Variants in ADGRG4 observed in about 807,000 individuals in gnomAD.
ADGRG4 encodes the protein G protein-coupled receptor 112.
ADGRG4 carries 122 observed loss-of-function variants against 126.2 expected under a neutral mutation model. The ratio of observed to expected loss-of-function variants is 0.97; its 90% CI spans 0.83 to 1.12. The LOEUF is 1.12. ADGRG4 is among the 50% of genes most tolerant of loss of function. The pLI is 0.00. For synonymous variants in ADGRG4, 943 were observed against 838.7 expected, an observed-to-expected ratio of 1.12 and a Z score of -2.15; for missense variants, 2,481 against 2,251.8, an observed-to-expected ratio of 1.10 and a Z score of -2.06.
intron 1 of ADGRG4, among the ~76,000 whole-genome samples, chrX:136,303,481 C>CAGAA (rs373079596): frequency 6.1e-4 from 65 of 107,334 alleles, no homozygotes; most frequent in African/African-American, 2.0e-3. Flanking sequence ...GACAGACAGA[C>CAGAA]AGAAAGAAAG....
chrX:136,406,800 AG>A (rs1364406590), intron 23 of ADGRG4, among the ~76,000 whole-genome samples: 1 of 110,333 alleles, frequency 9.1e-6, no homozygotes, highest in Non-Finnish European at 1.9e-5. Context: ...CTGTAGTCCC[AG>A]CTACTTGGGA....
chrX:136,302,701 C>T (rs772106033), intron 1 of ADGRG4, among the ~76,000 whole-genome samples: 13 of 111,507 alleles, frequency 1.2e-4, no homozygotes, highest in Admixed American at 1.9e-4. Context: ...CAAATGATTG[C>T]GGACTATATG....
At chrX:136,393,696 G>C (rs188848547) in intron 18 of ADGRG4, 116 bp downstream of exon 18, 1 of 493,199 alleles carries the variant, frequency 2.0e-6, no homozygotes, top group East Asian at 3.6e-5. Flanking sequence ...AGAGCATTCT[G>C]AATGACCAAG....
At chrX:136,377,510 G>A (rs1292402748) in intron 15 of ADGRG4, among the ~76,000 whole-genome samples, 4 of 111,524 alleles carry the variant, frequency 3.6e-5, no homozygotes, top group Non-Finnish European at 7.5e-5. Flanking sequence ...TTAAATTTTC[G>A]TGAAGTCTAA....
chrX:136,318,021 C>G (rs1212330767), intron 4 of ADGRG4, among the ~76,000 whole-genome samples: 3 of 112,080 alleles, frequency 2.7e-5, no homozygotes, highest in Non-Finnish European at 5.6e-5. Flanking sequence ...TACTATATGG[C>G]CTAGCAATTC....
chrX:136,354,557 G>T (rs2075082020), intron 8 of ADGRG4, among the ~76,000 whole-genome samples: 1 of 111,408 alleles, frequency 9.0e-6, no homozygotes, highest in South Asian at 3.8e-4. Context: ...GCTGACACCA[G>T]CTGGTTGTTC....
chrX:136,375,929 T>A (rs2075223018), intron 15 of ADGRG4, among the ~76,000 whole-genome samples: 1 of 112,378 alleles, frequency 8.9e-6, no homozygotes, highest in Non-Finnish European at 1.9e-5. Context: ...TGCATTTGCT[T>A]TTGGGGTCTT....
chrX:136,309,366 G>A (rs1384911987), intron 4 of ADGRG4, among the ~76,000 whole-genome samples: 1 of 112,131 alleles, frequency 8.9e-6, no homozygotes, highest in Non-Finnish European at 1.9e-5. Flanking sequence ...CTCTATGACA[G>A]GAATGAAAAT....
At chrX:136,366,293 G>A in intron 13 of ADGRG4, among the ~76,000 whole-genome samples, 1 of 112,175 alleles carries the variant, frequency 8.9e-6, no homozygotes, top group East Asian at 2.8e-4. Context: ...ACAATATGCA[G>A]CCTTCTCAGA....
chrX:136,355,338 C>T (rs2075087084), intron 8 of ADGRG4, among the ~76,000 whole-genome samples: 1 of 111,138 alleles, frequency 9.0e-6, no homozygotes, highest in African/African-American at 3.3e-5. Context: ...GGCCCCGCCT[C>T]CTAATATAAT....
At chrX:136,399,162 G>A (rs2075366389) in intron 20 of ADGRG4, among the ~76,000 whole-genome samples, 1 of 111,315 alleles carries the variant, frequency 9.0e-6, no homozygotes, top group Non-Finnish European at 1.9e-5. Context: ...AGCCTTCTGG[G>A]ATGTTGAAAC....
intron 23 of ADGRG4, 127 bp downstream of exon 23, chrX:136,406,099 C>A: frequency 8.5e-6 from 6 of 708,057 alleles, no homozygotes; most frequent in Middle Eastern, 3.5e-4. Context: ...GCACCCACAG[C>A]CCACTCTCTC....
At chrX:136,310,826 A>G (rs898541544) in intron 4 of ADGRG4, among the ~76,000 whole-genome samples, 11 of 111,944 alleles carry the variant, frequency 9.8e-5, no homozygotes, top group Admixed American at 9.5e-4. Context: ...ATGGAGCAGG[A>G]GGTAAAAAAT....
At chrX:136,339,087 A>G (rs1289259335) in intron 5 of ADGRG4, among the ~76,000 whole-genome samples, 1 of 110,698 alleles carries the variant, frequency 9.0e-6, no homozygotes, top group African/African-American at 3.3e-5. Context: ...TCACCCTACC[A>G]ATGCCTCTTG....
At chrX:136,365,949 T>TC (rs1302731932) in intron 13 of ADGRG4, among the ~76,000 whole-genome samples, 12 of 111,891 alleles carry the variant, frequency 1.1e-4, no homozygotes, top group Admixed American at 2.8e-4. Flanking sequence ...GCATGTGCCC[T>TC]CCCCCAACCA....
chrX:136,363,203 G>C (rs919701676), intron 12 of ADGRG4, among the ~76,000 whole-genome samples: 3 of 111,546 alleles, frequency 2.7e-5, no homozygotes, highest in Admixed American at 9.5e-5. Context: ...CTTGATGCTT[G>C]GTCAGTAGGA....
chrX:136,371,380 A>G lies in ADGRG4; in HGVS notation c.7449A>G (p.Pro2483=). The change falls in exon 14 of 26, where the codon CCA becomes CCG. Residue 2483 remains proline (P), a synonymous_variant. Coordinates refer to ENST00000394143, the MANE Select transcript of ADGRG4 (RefSeq NM_153834.4). ...EHILNLINES[P]ALGKEETKII... is the part of the protein sequence containing the mutation. ...TTTTAAATTTGATAAATGAATCCCC[A>G]GCCCTGGGTAAAGAAGAGACAAAGA... The G allele has an allele frequency of 8.3e-7, 1 of 1,198,644 alleles. No individual in the cohort carries two copies. Among genetic ancestry groups the G allele is most frequent in the Non-Finnish European group, 1.1e-6 (1 of 886,567 alleles).
At chrX:136,393,010 A>C (rs2075327718) in intron 17 of ADGRG4, among the ~76,000 whole-genome samples, 1 of 111,975 alleles carries the variant, frequency 8.9e-6, no homozygotes, top group African/African-American at 3.2e-5. Context: ...GATAGGTAAG[A>C]TCTCTCAATT....
chrX:136,303,374 G>A, intron 1 of ADGRG4, among the ~76,000 whole-genome samples: 1 of 111,597 alleles, frequency 9.0e-6, no homozygotes, highest in Non-Finnish European at 1.9e-5. Context: ...GATTGCTTGA[G>A]CCTGGGAGGT....
Sources: gnomAD v4.1 joint callset for allele counts (sites outside exome capture counted in the v4.1 genomes callset) on GRCh38, gnomAD v4.1.1 for gene constraint, MANE v1.5 for transcripts, NCBI Gene and HGNC (gene_info 2026-07-23, HGNC 2026-07-21) for gene names.